Variants in PRDM16 observed in about 807,000 individuals in gnomAD.
The protein encoded by PRDM16 is PR/SET domain 16, also known as histone-lysine N-methyltransferase PRDM16.
A neutral mutation model predicts 110.6 loss-of-function variants in PRDM16; 23 were observed. The observed-to-expected ratio is 0.21, with a 90% CI of 0.15 to 0.29. PRDM16 has a LOEUF of 0.29. PRDM16 is among the 10% of genes least tolerant of loss of function. The probability of loss-of-function intolerance (pLI) is 1.00; values close to 1 mark genes in which losing one functional copy is unlikely to be tolerated. For synonymous variants in PRDM16, 799 were observed against 781.8 expected, an observed-to-expected ratio of 1.02 and a Z score of -0.37; for missense variants, 1,615 against 1,794.3, an observed-to-expected ratio of 0.90 and a Z score of 1.81.
At chr1:3,090,852 G>C (rs1201570150) in intron 1 of PRDM16, among the ~76,000 whole-genome samples, 1 of 152,200 alleles carries the variant, frequency 6.6e-6, no homozygotes, top group Admixed American at 6.5e-5. Flanking sequence ...GGGTGGGGAG[G>C]CAGGACCCTC....
chr1:3,230,681 T>C (rs1241680100), intron 2 of PRDM16, among the ~76,000 whole-genome samples: 1 of 152,144 alleles, frequency 6.6e-6, no homozygotes, highest in East Asian at 1.9e-4. Flanking sequence ...GCGGCCCCGG[T>C]TGGGGTGAGG....
intron 1 of PRDM16, among the ~76,000 whole-genome samples, chr1:3,145,512 A>AT (rs1341837108): frequency 6.6e-6 from 1 of 151,998 alleles, no homozygotes; most frequent in African/African-American, 2.4e-5. Flanking sequence ...TTCCCAGGCC[A>AT]CCCCAGGGGG....
At position 3,148,189 on chromosome 1, in the gene PRDM16, G is replaced by A. The variant is rs1417318392; in HGVS notation, c.38-37936G>A. 6.6e-6 allele frequency among the ~76,000 whole-genome samples: 1 copy of A among 152,106 alleles called. No individual in the cohort carries two copies. The highest frequency in any genetic ancestry group is 1.5e-5 in the Non-Finnish European group (1 of 68,008). On this transcript the variant is annotated intron_variant, in intron 1 of 16. Coordinates refer to ENST00000270722, the MANE Select transcript of PRDM16 (RefSeq NM_022114.4). The surrounding 1 kb of genome is among the most constrained non-coding windows in gnomAD (Gnocchi z 5.0). ...GAGGTGGGAAGGAGCCCCCGGATGA[G>A]TGAAGAAGCTGGGTGCAATCTCATG...
chr1:3,415,537 T>G (rs1433594249), intron 10 of PRDM16, among the ~76,000 whole-genome samples: 1 of 152,226 alleles, frequency 6.6e-6, no homozygotes, highest in Non-Finnish European at 1.5e-5. Flanking sequence ...TGGAGTTTGG[T>G]TAATAACTTC....
At chr1:3,362,923 C>T (rs376313581) in intron 3 of PRDM16, among the ~76,000 whole-genome samples, 27 of 152,312 alleles carry the variant, frequency 1.8e-4, no homozygotes, top group African/African-American at 5.5e-4. Flanking sequence ...CACACAGGAA[C>T]GAGCCCTCTT....
chr1:3,204,025 C>T (rs1372714504), intron 2 of PRDM16, among the ~76,000 whole-genome samples: 1 of 152,148 alleles, frequency 6.6e-6, no homozygotes, highest in Non-Finnish European at 1.5e-5. Context: ...GGGACCACAC[C>T]GGGATTAGGA....
At chr1:3,422,744 C>T (rs1314093210) in intron 12 of PRDM16, among the ~76,000 whole-genome samples, 2 of 152,180 alleles carry the variant, frequency 1.3e-5, no homozygotes, top group Non-Finnish European at 2.9e-5. Flanking sequence ...CCATCCTCGG[C>T]CTTATTCTTG....
chr1:3,430,145 C>T (rs1471047358), intron 14 of PRDM16, among the ~76,000 whole-genome samples: 9 of 152,170 alleles, frequency 5.9e-5, no homozygotes, highest in Non-Finnish European at 1.3e-4. Flanking sequence ...AGCTCTTGGT[C>T]GTGAACATGA....
At chr1:3,111,770 C>T (rs191100860) in intron 1 of PRDM16, among the ~76,000 whole-genome samples, 1 of 152,308 alleles carries the variant, frequency 6.6e-6, no homozygotes, top group Non-Finnish European at 1.5e-5. Context: ...CTGAAAAGGC[C>T]CAGCGCCACA....
At chr1:3,354,714 G>C (rs1208835810) in intron 3 of PRDM16, among the ~76,000 whole-genome samples, 1 of 152,122 alleles carries the variant, frequency 6.6e-6, no homozygotes, top group Non-Finnish European at 1.5e-5. Context: ...CGCTGAGTCA[G>C]TGCCAGCTCC....
intron 3 of PRDM16, among the ~76,000 whole-genome samples, chr1:3,346,640 C>T (rs543092347): frequency 7.5e-4 from 114 of 152,292 alleles, no homozygotes; most frequent in Non-Finnish European, 1.2e-3. Flanking sequence ...CAGGCCCACC[C>T]CTCACTCCTC....
chr1:3,141,451 A>T (rs2100702272), intron 1 of PRDM16, among the ~76,000 whole-genome samples: 1 of 152,382 alleles, frequency 6.6e-6, no homozygotes, highest in African/African-American at 2.4e-5. Flanking sequence ...AATGGCGCAG[A>T]GATCAGACAT....
rs2100642752 is a variant in PRDM16, at chr1:3,403,013, T to C, written c.884+15T>C. ...AACAAGTACAGGTGCCACGCCCTCC[T>C]CTGAGTCTTCCTCCCCTTCCCGTAC... On this transcript the variant is annotated intron_variant, in intron 6 of 16. Transcript: ENST00000270722. 1 of 1,581,818 alleles carries C rather than the reference T, an allele frequency of 6.3e-7. No individual in the cohort carries two copies.
chr1:3,285,881 C>G lies in PRDM16; in HGVS notation c.438+41744C>G, dbSNP rs2500300. On this transcript the variant is annotated intron_variant, in intron 3 of 16. Coordinates refer to ENST00000270722, the MANE Select transcript of PRDM16 (RefSeq NM_022114.4). ...TGGACTTTGTGGTTTTCATCTCTGC[C>G]GAGCGTGGAGCCCAATCAAAGATCC... Among the ~76,000 whole-genome samples the G allele has an allele frequency of 3.3e-5, 5 of 152,208 alleles. No homozygotes were observed. In the South Asian group the frequency reaches 1.0e-3, roughly 32 times the overall value.
rs1570101321 is a variant in PRDM16 at position 3,339,315 on chromosome 1, C to T, written c.439-45837C>T. On this transcript the variant is annotated intron_variant, in intron 3 of 16. Coordinates refer to ENST00000270722, the MANE Select transcript of PRDM16 (RefSeq NM_022114.4). The surrounding 1 kb of genome is among the most constrained non-coding windows in gnomAD (Gnocchi z 5.0). ...CTTGTCTCGGTATCCCTGGCCCTTG[C>T]CCAGGGTGAGGCACAGGGTGGGCCT... Among the ~76,000 whole-genome samples the T allele has an allele frequency of 6.6e-6, 1 of 152,198 alleles. No homozygotes were observed. Among genetic ancestry groups the T allele is most frequent in the East Asian group, 1.9e-4 (1 of 5,156 alleles).
At chr1:3,346,922 C>T (rs1425937902) in intron 3 of PRDM16, among the ~76,000 whole-genome samples, 1 of 152,246 alleles carries the variant, frequency 6.6e-6, no homozygotes, top group East Asian at 1.9e-4. Flanking sequence ...GTGCTTCCAT[C>T]TGTAAAATGA....
At chr1:3,391,493 G>T (rs1164237828) in intron 4 of PRDM16, among the ~76,000 whole-genome samples, 2 of 152,314 alleles carry the variant, frequency 1.3e-5, no homozygotes, top group African/African-American at 4.8e-5. Context: ...AATGATCAAG[G>T]TAATTTAACT....
rs552164828 is a variant in PRDM16, at chr1:3,118,903, A to G, written c.37+49607A>G. ...AAGTGGGACTGAAGACTCCCATCAA[A>G]GAAAGGCCTGGGAGAGCCCCCTGCC... On this transcript the variant is annotated intron_variant, in intron 1 of 16. Coordinates refer to ENST00000270722, the MANE Select transcript of PRDM16 (RefSeq NM_022114.4). 2.6e-5 allele frequency among the ~76,000 whole-genome samples: 4 copies of G among 152,356 alleles called. No homozygotes were observed. In the East Asian group the frequency reaches 7.7e-4, roughly 29 times the overall value.
Position 3,146,542 on chromosome 1 carries a change from T to C in PRDM16, c.38-39583T>C, listed in dbSNP as rs145294956. Among the ~76,000 whole-genome samples, 369 of 149,334 alleles carry C rather than the reference T, an allele frequency of 2.5e-3. 7 individuals are homozygous for C. Among genetic ancestry groups the C allele is most frequent in the Non-Finnish European group, 4.4e-3 (295 of 67,330 alleles). ...TCGGTGTGGGGTGTGTGTGCACGTG[T>C]GTTCGGTGTGGGGTGTGTACACATG... On this transcript the variant is annotated intron_variant, in intron 1 of 16. Coordinates refer to ENST00000270722, the MANE Select transcript of PRDM16 (RefSeq NM_022114.4).
Sources: gnomAD v4.1 joint callset for allele counts (sites outside exome capture counted in the v4.1 genomes callset) on GRCh38, gnomAD v4.1.1 for gene constraint, Gnocchi (gnomAD v3.1) non-coding constraint, MANE v1.5 for transcripts, NCBI Gene and HGNC (gene_info 2026-07-23, HGNC 2026-07-21) for gene names.